Variants in LSG1 observed in about 807,000 individuals in gnomAD.
LSG1 encodes large 60S subunit nuclear export GTPase 1.
In LSG1, 55 loss-of-function variants were observed where a neutral mutation model predicts 82.6. The observed-to-expected ratio is 0.67, with a 90% CI of 0.54 to 0.83. The LOEUF (loss-of-function observed/expected upper bound fraction) is 0.83. Among genes scored for constraint, LSG1 ranks in the 40% least tolerant of loss-of-function variants. The pLI is 0.00. For missense variants in LSG1, 809 were observed against 807.9 expected (o/e 1.00, Z -0.02); for synonymous variants, 272 against 282.5 (o/e 0.96, Z 0.37).
intron 5 of LSG1, chr3:194,660,884 G>A (rs1336113567): frequency 4.4e-6 from 2 of 456,548 alleles, no homozygotes; most frequent in South Asian, 3.1e-5. Context: ...CAGGTGTCCA[G>A]CACTGCAAGG....
chr3:194,653,737 A>G (rs939286880), intron 7 of LSG1, among the ~76,000 whole-genome samples: 1 of 152,104 alleles, frequency 6.6e-6, no homozygotes, highest in Non-Finnish European at 1.5e-5. Context: ...TTACTTTTGT[A>G]ATTTAAAATA....
At chr3:194,668,350 C>T (rs1424464262) in intron 2 of LSG1, among the ~76,000 whole-genome samples, 1 of 152,080 alleles carries the variant, frequency 6.6e-6, no homozygotes, top group Non-Finnish European at 1.5e-5. Context: ...TGAGGAACTG[C>T]CAAAATTTTT....
At chr3:194,642,545 G>C (rs758054339) in intron 13 of LSG1, among the ~76,000 whole-genome samples, 19 of 151,676 alleles carry the variant, frequency 1.3e-4, no homozygotes, top group Non-Finnish European at 1.5e-4. Flanking sequence ...AACTTAACCT[G>C]TTTCAACCAC....
chr3:194,658,893 A>G, intron 7 of LSG1, 64 bp downstream of exon 7: 1 of 1,430,118 alleles, frequency 7.0e-7, no homozygotes, highest in Non-Finnish European at 9.6e-7. Flanking sequence ...ACACAAACGA[A>G]GCACATTAAC....
At chr3:194,658,296 C>T (rs1274478766) in intron 7 of LSG1, among the ~76,000 whole-genome samples, 5 of 151,892 alleles carry the variant, frequency 3.3e-5, no homozygotes, top group Non-Finnish European at 5.9e-5. Context: ...TACAGGCACC[C>T]GCCACCATGC....
chr3:194,659,460 T>G (rs1718877020), intron 6 of LSG1, among the ~76,000 whole-genome samples: 1 of 152,086 alleles, frequency 6.6e-6, no homozygotes, highest in Admixed American at 6.5e-5. Flanking sequence ...CTGGGCAACA[T>G]GACAAGATCC....
At chr3:194,666,177 G>A (rs1719024458) in intron 4 of LSG1, 26 bp downstream of exon 4, 1 of 1,581,282 alleles carries the variant, frequency 6.3e-7, no homozygotes. Flanking sequence ...TTCAAAGTAA[G>A]TCTTCATAGA....
rs775150134 is a variant in LSG1, at chr3:194,642,218, G to C, written c.1827C>G (p.Val609=). The change falls in exon 14 of 14, where the codon GTC becomes GTG. Residue 609 remains valine, a synonymous_variant. Coordinates refer to ENST00000265245, the MANE Select transcript of LSG1 (RefSeq NM_018385.3). ...CGGGCTTGTAACCCATCACAGCCTG[G>C]ACTCCTTTGGTCAAAGCCCTCACAT... is the stretch of plus-strand genomic sequence containing the variant. The part of the protein sequence containing the change: ...QENVRALTKG[V]QAVMGYKPGS... 6.2e-7 allele frequency: 1 copy of C among 1,613,942 alleles called. No homozygotes were observed. Among genetic ancestry groups the C allele is most frequent in the South Asian group, 1.1e-5 (1 of 91,032 alleles).
At chr3:194,652,360 C>T (rs1019582762) in intron 8 of LSG1, among the ~76,000 whole-genome samples, 1 of 152,232 alleles carries the variant, frequency 6.6e-6, no homozygotes, top group Non-Finnish European at 1.5e-5. Context: ...GGAACATTTA[C>T]AGCATAAGCT....
rs896710105 is a variant in LSG1, at chr3:194,672,150, T to C, written c.13A>G (p.Arg5Gly). The C allele has an allele frequency of 8.7e-6, 14 of 1,602,582 alleles. No homozygotes were observed. Among genetic ancestry groups the C allele is most frequent in the Admixed American group, 3.3e-5 (2 of 59,972 alleles). The change falls in exon 1 of 14, where the codon AGA becomes GGA. Residue 5 changes from arginine to glycine, a missense_variant. Transcript: ENST00000265245. The part of the protein sequence containing the change: MGRR[R>G]APAGGSLGRA... ...CCCAGCGACCCACCGGCCGGGGCTC[T>C]CCTCCGGCCCATGGCAACACGACCG... is the stretch of plus-strand genomic sequence containing the variant.
chr3:194,661,636 G>A (rs1256821759), intron 5 of LSG1, among the ~76,000 whole-genome samples: 11 of 152,204 alleles, frequency 7.2e-5, no homozygotes, highest in Non-Finnish European at 1.5e-4. Context: ...GAATTAAAGA[G>A]GCAGATGGTT....
At position 194,645,577 on chromosome 3, in the gene LSG1, C is replaced by CAG. The variant is rs1560219849; in HGVS notation, c.1623+586_1623+587insCT. Among the ~76,000 whole-genome samples, 268 of 33,324 alleles carry CAG rather than the reference C, an allele frequency of 8.0e-3. 19 individuals carry two copies. Among genetic ancestry groups the CAG allele is most frequent in the Non-Finnish European group, 0.014 (188 of 13,662 alleles). The allele number at this position is 33,324 out of a possible 152,430, so 21.9% of individuals were successfully genotyped here. On this transcript the variant is annotated intron_variant, in intron 12 of 13. Transcript: ENST00000265245. ...ACACACACACACACACACAGACAGA[C>CAG]ACACACACACACACACACACACACA... is the stretch of plus-strand genomic sequence containing the variant.
intron 13 of LSG1, 90 bp from the exon 14 acceptor site, chr3:194,642,337 A>G (rs1718416198): frequency 2.7e-6 from 3 of 1,109,300 alleles, no homozygotes; most frequent in South Asian, 2.0e-5. Flanking sequence ...ACTTCAAGAT[A>G]AAAAGGAGTC....
intron 7 of LSG1, among the ~76,000 whole-genome samples, chr3:194,656,475 G>C (rs929242669): frequency 3.6e-4 from 54 of 152,066 alleles, no homozygotes; most frequent in African/African-American, 1.2e-3. Flanking sequence ...TTAGAATGGC[G>C]ATCATTAAAA....
chr3:194,671,229 A>C (rs1344530487), intron 1 of LSG1, among the ~76,000 whole-genome samples: 1 of 152,200 alleles, frequency 6.6e-6, no homozygotes, highest in African/African-American at 2.4e-5. Context: ...ATCTTCCCAC[A>C]GTTTCCTAAA....
chr3:194,667,948 T>A (rs201420395), intron 2 of LSG1, among the ~76,000 whole-genome samples: 15,888 of 57,412 alleles, frequency 0.28, 2,169 homozygotes, highest in East Asian at 0.37. Flanking sequence ...AAAAAATATA[T>A]ATATATATAT....
chr3:194,650,955 T>A lies in LSG1; in HGVS notation c.1345A>T (p.Thr449Ser). ...PGLVMPSFVSTKAEMTCSGIL... is the reference protein window; with the variant it reads ...PGLVMPSFVSSKAEMTCSGIL... ...CCGCTGCAAGTCATTTCTGCCTTGG[T>A]AGACACAAAAGATGGCATCACCAAG... Residue 449 changes from threonine (T) to serine (S), a missense_variant, in exon 10 of 14, where the codon ACC becomes TCC. Physicochemically the swap from Thr to Ser is moderately conservative, Grantham distance 58. Coordinates refer to ENST00000265245, the MANE Select transcript of LSG1 (RefSeq NM_018385.3). 1 of 1,614,086 alleles carries A rather than the reference T, an allele frequency of 6.2e-7. No individual in the cohort carries two copies. Among genetic ancestry groups the A allele is most frequent in the African/African-American group, 1.3e-5 (1 of 75,006 alleles).
At chr3:194,644,356 G>A (rs1280754720) in intron 13 of LSG1, among the ~76,000 whole-genome samples, 11 of 134,030 alleles carry the variant, frequency 8.2e-5, no homozygotes, top group Admixed American at 3.4e-4. Context: ...GCGACAGAGC[G>A]AGACTCCGTC....
Position 194,659,729 on chromosome 3 carries a change from T to A in LSG1, c.582+344A>T, listed in dbSNP as rs1437000768. 3.9e-5 allele frequency among the ~76,000 whole-genome samples: 6 copies of A among 152,176 alleles called. No homozygotes were observed. The South Asian group carries it at 1.2e-3, about 32-fold the overall frequency. On this transcript the variant is annotated intron_variant, in intron 6 of 13. Coordinates refer to ENST00000265245, the MANE Select transcript of LSG1 (RefSeq NM_018385.3). ...AGAAGACAGAACCTTATGGGATGAA[T>A]TAAAAAGTGAAGTGACCGGCAATAT...
Sources: allele counts gnomAD v4.1 joint callset (sites outside exome capture counted in the v4.1 genomes callset), GRCh38; gene constraint gnomAD v4.1.1; transcripts MANE v1.5; gene names NCBI Gene and HGNC (gene_info 2026-07-23, HGNC 2026-07-21).